Variants in DICER1 observed in about 807,000 individuals in gnomAD.
DICER1 encodes the protein endoribonuclease Dicer.
DICER1 carries 43 observed loss-of-function variants against 194.1 expected under a neutral mutation model. The ratio of observed to expected loss-of-function variants is 0.22; its 90% CI spans 0.17 to 0.29. DICER1 has a LOEUF of 0.29. Among genes scored for constraint, DICER1 ranks in the 10% least tolerant of loss-of-function variants. The probability of loss-of-function intolerance (pLI) is 1.00; values close to 1 mark genes in which losing one functional copy is unlikely to be tolerated. For missense variants in DICER1, 1,608 were observed against 2,317.0 expected (o/e 0.69, Z 6.28); for synonymous variants, 832 against 820.5 (o/e 1.01, Z -0.24).
intron 20 of DICER1, among the ~76,000 whole-genome samples, chr14:95,104,397 T>C (rs1218687228): frequency 6.6e-6 from 1 of 152,206 alleles, no homozygotes; most frequent in African/African-American, 2.4e-5. Context: ...ACCTGGGGCC[T>C]AGCTTCACGG....
chr14:95,141,782 C>T (rs1055634887), intron 1 of DICER1: 1 of 152,140 alleles, frequency 6.6e-6, no homozygotes, highest in African/African-American at 2.4e-5. Context: ...TTAGAAGAGA[C>T]AACTCATTTT....
At position 95,108,423 on chromosome 14, in the gene DICER1, T is replaced by C. The variant is rs747210633; in HGVS notation, c.2337A>G (p.Thr779=). The change falls in exon 15 of 27, where the codon ACA becomes ACG. Residue 779 remains threonine, a synonymous_variant. Coordinates refer to ENST00000343455, the MANE Select transcript of DICER1 (RefSeq NM_177438.3). ...TAAAGTTGAGTTCATCAGGTAAAGG[T>C]GTAGTTAAAACCATTCCTATCACAT... ...YLYVIGMVLT[T]PLPDELNFRR... 1.3e-4 allele frequency: 213 copies of C among 1,613,946 alleles called. No individual in the cohort carries two copies. The highest frequency in any genetic ancestry group is 1.7e-4 in the Non-Finnish European group (199 of 1,179,976).
In DICER1 at chr14:95,113,050, C is replaced by T. The variant is rs186845476; in HGVS notation, c.2040+42G>A. 7.4e-5 allele frequency: 119 copies of T among 1,602,086 alleles called. 2 individuals carry two copies. The Admixed American group carries it at 2.0e-3, about 27-fold the overall frequency. Reference sequence around the variant, plus strand: ...AAAAGCTGAAAAAATCCACTAATGACACATTTTAAAAGATAACAATCATTT... The same window carrying T: ...AAAAGCTGAAAAAATCCACTAATGATACATTTTAAAAGATAACAATCATTT... On this transcript the variant is annotated intron_variant, in intron 12 of 26. Coordinates refer to ENST00000343455, the MANE Select transcript of DICER1 (RefSeq NM_177438.3).
chr14:95,133,570 C>T (rs1894141967), intron 1 of DICER1, 67 bp from the exon 2 acceptor site: 1 of 1,144,750 alleles, frequency 8.7e-7, no homozygotes, highest in Non-Finnish European at 1.3e-6. Context: ...AGCACAGAAA[C>T]AAGAGAAACA....
Position 95,090,755 on chromosome 14 carries a change from C to T in DICER1, c.5604-92G>A, listed in dbSNP as rs1889727873. The T allele has an allele frequency of 8.3e-6, 12 of 1,451,208 alleles. No individual in the cohort carries two copies. The South Asian group carries it at 1.4e-4, about 17-fold the overall frequency. 89.9% of individuals were successfully genotyped at this position (1,451,208 alleles called of 1,614,324 possible). The stretch of plus-strand genomic sequence containing the variant: ...TAGTGTGCACTCTCAGGCCAGGAGT[C>T]CCATGTATAAGCTGACACCACACAA... On this transcript the variant is annotated intron_variant, in intron 26 of 26. Transcript: ENST00000343455.
At chr14:95,096,840 TAA>T in intron 22 of DICER1, 127 bp from the exon 23 acceptor site, 1 of 1,053,414 alleles carries the variant, frequency 9.5e-7, no homozygotes, top group Admixed American at 3.1e-5. Flanking sequence ...AAGGCAACTT[TAA>T]AATCATGGCC....
intron 17 of DICER1, among the ~76,000 whole-genome samples, chr14:95,107,114 C>T (rs1891490556): frequency 6.6e-6 from 1 of 152,080 alleles, no homozygotes; most frequent in South Asian, 2.1e-4. Context: ...AAATCCTGGG[C>T]TGAAGCAATC....
At chr14:95,144,556 AT>A (rs778466775) in intron 1 of DICER1, among the ~76,000 whole-genome samples, 105 of 152,042 alleles carry the variant, frequency 6.9e-4, no homozygotes, top group African/African-American at 1.5e-3. Flanking sequence ...ACCTAGAACC[AT>A]TTTTTTTAGC....
rs768375445 is a variant in DICER1, at chr14:95,103,481, G to A, written c.3915C>T (p.Asn1305=). Residue 1305 remains asparagine (N), a synonymous_variant, in exon 21 of 27, where the codon AAC becomes AAT. Transcript: ENST00000343455. Reference sequence around the variant, plus strand: ...GCTCCAGGTTAAATCCATCACTAGCGTTTGACAGAGTCAAAGCCTGAAGAA... The same window carrying A: ...GCTCCAGGTTAAATCCATCACTAGCATTTGACAGAGTCAAAGCCTGAAGAA... ...GLILQALTLS[N]ASDGFNLERL... is the part of the protein sequence containing the mutation. The A allele has an allele frequency of 4.9e-5, 79 of 1,614,148 alleles. No homozygotes were observed. Among genetic ancestry groups the A allele is most frequent in the Middle Eastern group, 3.3e-4 (2 of 6,062 alleles).
intron 21 of DICER1, among the ~76,000 whole-genome samples, chr14:95,100,797 G>C (rs941685416): frequency 7.2e-5 from 11 of 152,124 alleles, no homozygotes; most frequent in African/African-American, 2.7e-4. Flanking sequence ...CCCCCCATAT[G>C]AGAGGCACTC....
rs1595457308 is a variant in DICER1, at chr14:95,129,632, G to C, written c.574C>G (p.Leu192Val). The part of the protein sequence containing the change: ...LDHPYREIMK[L>V]CENCPSCPRI... ...GGACATGATGGACAATTTTCACAGAGCTAACATAATAAAAGATACTGACAG... is the reference window on the plus strand; with the variant it reads ...GGACATGATGGACAATTTTCACAGACCTAACATAATAAAAGATACTGACAG... Residue 192 changes from leucine to valine, a missense_variant and splice_region_variant, in exon 6 of 27, where the codon CTC becomes GTC. Transcript: ENST00000343455. 2 of 1,610,230 alleles carry C rather than the reference G, an allele frequency of 1.2e-6. No homozygotes were observed. The highest frequency in any genetic ancestry group is 3.3e-5 in the Admixed American group (2 of 59,972).
At chr14:95,156,812 C>A (rs371866923) in intron 1 of DICER1, among the ~76,000 whole-genome samples, 2 of 152,158 alleles carry the variant, frequency 1.3e-5, no homozygotes, top group African/African-American at 4.8e-5. Context: ...GAGGAGGGCC[C>A]CAGGGTGCTC....
chr14:95,146,024 A>G (rs1347185543), intron 1 of DICER1, among the ~76,000 whole-genome samples: 1 of 152,262 alleles, frequency 6.6e-6, no homozygotes, highest in Non-Finnish European at 1.5e-5. Context: ...TTCATTTTAC[A>G]TGGTGAAGTT....
chr14:95,124,438 G>C lies in DICER1; in HGVS notation c.1134C>G (p.Ile378Met), dbSNP rs769457054. 1.2e-6 allele frequency: 2 copies of C among 1,614,122 alleles called. No individual in the cohort carries two copies. Among genetic ancestry groups the C allele is most frequent in the Admixed American group, 3.3e-5 (2 of 60,028 alleles). Residue 378 changes from isoleucine (I) to methionine (M), a missense_variant, in exon 8 of 27, where the codon ATC becomes ATG. By Grantham distance (10) the Ile-to-Met change is conservative (BLOSUM62 1). Coordinates refer to ENST00000343455, the MANE Select transcript of DICER1 (RefSeq NM_177438.3). The surrounding 1 kb of genome is among the most constrained non-coding windows in gnomAD (Gnocchi z 4.5). ...LDLKFVTPKV[I>M]KLLEILRKYK... ...ATTTGCGTAAGATTTCGAGCAGTTTGATTACTTTAGGAGTTACAAATTTCA... is the reference window on the plus strand; with the variant it reads ...ATTTGCGTAAGATTTCGAGCAGTTTCATTACTTTAGGAGTTACAAATTTCA...
At chr14:95,107,287 T>C (rs1891510209) in intron 17 of DICER1, among the ~76,000 whole-genome samples, 1 of 151,348 alleles carries the variant, frequency 6.6e-6, no homozygotes, top group Non-Finnish European at 1.5e-5. Flanking sequence ...AGTCTTGGTG[T>C]GTCTCCAGGC....
chr14:95,153,672 G>C (rs139420852), intron 1 of DICER1, among the ~76,000 whole-genome samples: 1 of 152,120 alleles, frequency 6.6e-6, no homozygotes, highest in African/African-American at 2.4e-5. Flanking sequence ...CTAATTCTCT[G>C]CCTCCACATT....
rs1421974190 is a variant in DICER1 at position 95,126,808 on chromosome 14, AG to A, written c.735-61del. 7.8e-6 allele frequency: 9 copies of A among 1,151,502 alleles called. No homozygotes were observed. In the Admixed American group the frequency reaches 9.0e-5, roughly 12 times the overall value. The allele number at this position is 1,151,502 out of a possible 1,614,324, so 71.3% of individuals were successfully genotyped here. On this transcript the variant is annotated intron_variant, in intron 6 of 26. Transcript: ENST00000343455. ...AGTAGTGAGAATGCAATTTAAAAAA[AG>A]TTTTTCAAAAAGCAAAAAAAAAAAA...
At position 95,091,109 on chromosome 14, in the gene DICER1, T is replaced by C; in HGVS notation, c.5528A>G (p.Glu1843Gly). 1.2e-6 allele frequency: 2 copies of C among 1,614,156 alleles called. No individual in the cohort carries two copies. The highest frequency in any genetic ancestry group is 1.3e-5 in the African/African-American group (1 of 75,050). Residue 1843 changes from glutamate to glycine, a missense_variant and splice_region_variant, in exon 26 of 27, where the codon GAA (glutamate) becomes GGA (glycine). Glu to Gly is a moderately conservative substitution (Grantham distance 98). Coordinates refer to ENST00000343455, the MANE Select transcript of DICER1 (RefSeq NM_177438.3). ...VYYPMMRPLI[E>G]KFSANVPRSP... ...ACGGGGTACATTTGCAGAAAACTTT[T>C]CTGCAATCAAAATGAAAGAATAATA...
intron 1 of DICER1, chr14:95,140,819 T>A (rs1001023001): frequency 6.6e-6 from 1 of 152,148 alleles, no homozygotes; most frequent in Non-Finnish European, 1.5e-5. Context: ...CAGAAACACA[T>A]CTACAAGAGA....
Sources: gnomAD v4.1 joint callset for allele counts (sites outside exome capture counted in the v4.1 genomes callset) on GRCh38, gnomAD v4.1.1 for gene constraint, Gnocchi (gnomAD v3.1) non-coding constraint, MANE v1.5 for transcripts, NCBI Gene and HGNC (gene_info 2026-07-23, HGNC 2026-07-21) for gene names.